The following NDC80 variants were observed in gnomAD, a reference collection of about 807,000 sequenced individuals.
NDC80 encodes NDC80 kinetochore complex component.
Under a neutral mutation model 89.3 loss-of-function variants are expected in NDC80, and 69 were observed. The observed-to-expected ratio is 0.77, with a 90% confidence interval of 0.64 to 0.94. NDC80 has a LOEUF of 0.94. Among genes scored for constraint, NDC80 ranks in the 40% least tolerant of loss-of-function variants. The pLI is 0.00. For synonymous variants in NDC80, 243 were observed against 255.6 expected (o/e 0.95, Z 0.47); for missense variants, 593 against 739.6 (o/e 0.80, Z 2.30).
At chr18:2,603,749 A>T (rs2072696482) in intron 13 of NDC80, among the ~76,000 whole-genome samples, 1 of 152,156 alleles carries the variant, frequency 6.6e-6, no homozygotes, top group Non-Finnish European at 1.5e-5. Flanking sequence ...TGTAACCTGA[A>T]CAATAGAAAT....
At chr18:2,572,564 A>C (rs1410074395) in intron 1 of NDC80, among the ~76,000 whole-genome samples, 1 of 152,234 alleles carries the variant, frequency 6.6e-6, no homozygotes, top group East Asian at 1.9e-4. Context: ...TTTGAGGTGA[A>C]TAAGAGAATT....
In NDC80 at chr18:2,596,117, C is replaced by A. The variant is rs566424891; in HGVS notation, c.1221+496C>A. On this transcript the variant is annotated intron_variant, in intron 11 of 16. Transcript: ENST00000261597. ...GGGTACTGAGGAAACATATAGTACA[C>A]CTAGCCCAAATTTAGTGTACATGGT... is the stretch of plus-strand genomic sequence containing the variant. Among the ~76,000 whole-genome samples the A allele has an allele frequency of 3.3e-5, 5 of 152,202 alleles. No individual in the cohort carries two copies. In the South Asian group the frequency reaches 1.0e-3, roughly 32 times the overall value.
chr18:2,578,434 G>A lies in NDC80; in HGVS notation c.476+293G>A, dbSNP rs76049019. ...TTCTTTGTTTAAAAAAAAACTACTCGTAGATTATTACAGAGCAACAGAAGA... is the reference window on the plus strand; with the variant it reads ...TTCTTTGTTTAAAAAAAAACTACTCATAGATTATTACAGAGCAACAGAAGA... On this transcript the variant is annotated intron_variant, in intron 5 of 16. Coordinates refer to ENST00000261597, the MANE Select transcript of NDC80 (RefSeq NM_006101.3). 7.3e-3 allele frequency among the ~76,000 whole-genome samples: 1,115 copies of A among 152,140 alleles called. 19 individuals are homozygous for A. The highest frequency in any genetic ancestry group is 0.025 in the African/African-American group (1,058 of 41,518).
In NDC80 at chr18:2,584,783, A is replaced by G. The variant is rs558462776; in HGVS notation, c.580-330A>G. 9.8e-5 allele frequency among the ~76,000 whole-genome samples: 15 copies of G among 152,296 alleles called. No homozygotes were observed. In the East Asian group the frequency reaches 2.5e-3, roughly 25 times the overall value. ...TAGTTAAAGTTGCATTAAAATGTGT[A>G]TATTTGCACTTACTGGGTTAATAAC... On this transcript the variant is annotated intron_variant, in intron 6 of 16. Coordinates refer to ENST00000261597, the MANE Select transcript of NDC80 (RefSeq NM_006101.3).
intron 15 of NDC80, among the ~76,000 whole-genome samples, chr18:2,609,902 C>T (rs182821452): frequency 2.2e-4 from 33 of 152,312 alleles, no homozygotes; most frequent in African/African-American, 7.5e-4. Flanking sequence ...AAGAAACTGG[C>T]ATAAGCAAAC....
chr18:2,573,205 C>A, intron 2 of NDC80, 119 bp downstream of exon 2: 2 of 715,640 alleles, frequency 2.8e-6, no homozygotes, highest in Non-Finnish European at 4.4e-6. Flanking sequence ...CTTGTCTGTT[C>A]CCAGGGGTAC....
intron 12 of NDC80, among the ~76,000 whole-genome samples, chr18:2,600,453 A>T (rs1240760496): frequency 6.6e-6 from 1 of 152,130 alleles, no homozygotes; most frequent in Non-Finnish European, 1.5e-5. Flanking sequence ...TACTAAAAAT[A>T]CAAAAACTAG....
Position 2,578,992 on chromosome 18 carries a change from T to C in NDC80, c.542T>C (p.Ile181Thr), listed in dbSNP as rs1449432450. The C allele has an allele frequency of 2.5e-6, 4 of 1,580,506 alleles. No individual in the cohort carries two copies. Among genetic ancestry groups the C allele is most frequent in the Non-Finnish European group, 3.4e-6 (4 of 1,163,232 alleles). Residue 181 changes from isoleucine (I) to threonine (T), a missense_variant, in exon 6 of 17, where the codon ATT becomes ACT. By Grantham distance (89) the Ile-to-Thr change is moderately conservative. Transcript: ENST00000261597. ...TVGAPHTWPHIVAALVWLIDC... is the reference protein window; with the variant it reads ...TVGAPHTWPHTVAALVWLIDC... ...GGGGCTCCTCATACATGGCCTCACATTGTGGCAGCCTTAGTTTGGCTAATA... is the reference window on the plus strand; with the variant it reads ...GGGGCTCCTCATACATGGCCTCACACTGTGGCAGCCTTAGTTTGGCTAATA...
In NDC80 at chr18:2,580,122, T is replaced by C. The variant is rs575268308; in HGVS notation, c.579+1093T>C. On this transcript the variant is annotated intron_variant, in intron 6 of 16. Transcript: ENST00000261597. ...TTAAACTTACTGATGGTTTTAATAG[T>C]TGGCAACACAACAAGCAAAAAAAAT... Among the ~76,000 whole-genome samples the C allele has an allele frequency of 7.5e-4, 114 of 152,260 alleles. 1 individual carries two copies. The highest frequency in any genetic ancestry group is 1.3e-3 in the Admixed American group (20 of 15,290).
At position 2,591,520 on chromosome 18, in the gene NDC80, T is replaced by C. The variant is rs192965024; in HGVS notation, c.1015+1358T>C. 4.3e-3 allele frequency among the ~76,000 whole-genome samples: 653 copies of C among 152,148 alleles called. 3 individuals carry two copies. Among genetic ancestry groups the C allele is most frequent in the Non-Finnish European group, 5.6e-3 (384 of 68,004 alleles). On this transcript the variant is annotated intron_variant, in intron 10 of 16. Coordinates refer to ENST00000261597, the MANE Select transcript of NDC80 (RefSeq NM_006101.3). ...GATTTAACTCTTAGTCTATGGAGTA[T>C]TGATTGTCAACTCAAGACTAGTAAT...
chr18:2,595,678 T>TGAA (rs2072651377), intron 11 of NDC80, 57 bp downstream of exon 11: 1 of 1,465,478 alleles, frequency 6.8e-7, no homozygotes, highest in Non-Finnish European at 9.4e-7. Context: ...TCTGAAGGTC[T>TGAA]GTCCCAATTA....
chr18:2,578,896 A>C, intron 5 of NDC80, 31 bp from the exon 6 acceptor site: 1 of 1,272,502 alleles, frequency 7.9e-7, no homozygotes, highest in Non-Finnish European at 1.1e-6. Flanking sequence ...AATAACATTA[A>C]ATTAGCTTAT....
At position 2,590,085 on chromosome 18, in the gene NDC80, A is replaced by T. The variant is rs1164338834; in HGVS notation, c.938A>T (p.Tyr313Phe). The change falls in exon 10 of 17, where the codon TAC (tyrosine) becomes TTC (phenylalanine). Residue 313 changes from tyrosine to phenylalanine, a missense_variant. Tyr to Phe is a conservative substitution (Grantham distance 22). Coordinates refer to ENST00000261597, the MANE Select transcript of NDC80 (RefSeq NM_006101.3). The part of the protein sequence containing the change: ...LQGDVQKYQA[Y>F]MSNLESHSAI... ...GGAGATGTTCAAAAGTATCAGGCAT[A>T]CATGAGCAATTTGGAGTCTCATTCA... 1 of 1,612,876 alleles carries T rather than the reference A, an allele frequency of 6.2e-7. No individual in the cohort carries two copies. Among genetic ancestry groups the T allele is most frequent in the African/African-American group, 1.3e-5 (1 of 75,008 alleles).
At chr18:2,600,613 A>G (rs1236180652) in intron 12 of NDC80, among the ~76,000 whole-genome samples, 3 of 152,172 alleles carry the variant, frequency 2.0e-5, no homozygotes, top group African/African-American at 7.2e-5. Flanking sequence ...ATCTCAAAAA[A>G]AAAAAACAGA....
chr18:2,590,922 G>T (rs946310239), intron 10 of NDC80, among the ~76,000 whole-genome samples: 7 of 149,362 alleles, frequency 4.7e-5, no homozygotes, highest in African/African-American at 7.3e-5. Flanking sequence ...TGTTTTTTTT[G>T]AGATGAAGTC....
chr18:2,616,511 T>C lies in NDC80; in HGVS notation c.1866T>C (p.Asn622=). The C allele has an allele frequency of 6.6e-7, 1 of 1,514,936 alleles. No individual in the cohort carries two copies. Among genetic ancestry groups the C allele is most frequent in the South Asian group, 1.3e-5 (1 of 79,966 alleles). 93.8% of individuals were successfully genotyped at this position (1,514,936 alleles called of 1,614,324 possible). A position where few individuals can be genotyped will look rare whatever the true frequency, so the allele number is the denominator to read the frequency against. Residue 622 remains asparagine, a synonymous_variant, in exon 17 of 17, where the codon AAT becomes AAC. Transcript: ENST00000261597. ...GCATGTCAGAAGATCTCTCGGAAAA[T>C]ATTAAAGAGATTAGAGATAAGTATG... ...EECMSEDLSE[N]IKEIRDKYEK... is the part of the protein sequence containing the mutation.
intron 6 of NDC80, among the ~76,000 whole-genome samples, chr18:2,580,524 G>T (rs1220887431): frequency 6.6e-6 from 1 of 151,890 alleles, no homozygotes; most frequent in African/African-American, 2.4e-5. Context: ...ATGAAGGCAG[G>T]CACTGGGTAT....
chr18:2,596,403 C>T (rs1414585545), intron 11 of NDC80, among the ~76,000 whole-genome samples: 1 of 151,712 alleles, frequency 6.6e-6, no homozygotes, highest in Non-Finnish European at 1.5e-5. Context: ...GACATTTATG[C>T]AGCCAAAAAA....
chr18:2,595,650 C>T (rs1568005001), intron 11 of NDC80, 29 bp downstream of exon 11: 8 of 1,591,098 alleles, frequency 5.0e-6, no homozygotes, highest in South Asian at 1.1e-5. Context: ...AGAGTGGCAA[C>T]TCATCATAGC....
Sources: gnomAD v4.1 joint callset for allele counts (sites outside exome capture counted in the v4.1 genomes callset) on GRCh38, gnomAD v4.1.1 for gene constraint, MANE v1.5 for transcripts, NCBI Gene and HGNC (gene_info 2026-07-23, HGNC 2026-07-21) for gene names.